MTMR7: variants seen among roughly 807,000 people sequenced by gnomAD.
MTMR7 encodes phosphatidylinositol-3-phosphate phosphatase MTMR7.
A neutral mutation model predicts 81.2 loss-of-function variants in MTMR7; 76 were observed. The ratio of observed to expected loss-of-function variants is 0.94; its 90% CI spans 0.78 to 1.13. The LOEUF (loss-of-function observed/expected upper bound fraction) is 1.13. MTMR7 is among the 50% of genes most tolerant of loss of function. MTMR7 has a pLI of 0.00. For missense variants in MTMR7, 1,044 were observed against 820.0 expected, an observed-to-expected ratio of 1.27 and a Z score of -3.34; for synonymous variants, 372 against 289.8, an observed-to-expected ratio of 1.28 and a Z score of -2.88.
intron 3 of MTMR7, among the ~76,000 whole-genome samples, chr8:17,370,596 C>T (rs368514246): frequency 4.2e-5 from 3 of 71,042 alleles, no homozygotes; most frequent in African/African-American, 1.6e-4. Flanking sequence ...CCCCAAGAAA[C>T]AAAAAAGCAA....
chr8:17,406,806 T>C (rs186279641), intron 1 of MTMR7, among the ~76,000 whole-genome samples: 128 of 152,246 alleles, frequency 8.4e-4, no homozygotes, highest in Middle Eastern at 3.4e-3. Flanking sequence ...GAAGTACTGA[T>C]ACATGCTACA....
At chr8:17,378,766 T>C (rs567679713) in intron 1 of MTMR7, among the ~76,000 whole-genome samples, 5 of 152,362 alleles carry the variant, frequency 3.3e-5, no homozygotes, top group South Asian at 2.1e-4. Flanking sequence ...TGATGACTGA[T>C]GTGTAAAAAG....
intron 6 of MTMR7, 109 bp from the exon 7 acceptor site, chr8:17,331,391 G>A (rs1319224684): frequency 5.9e-6 from 7 of 1,184,620 alleles, no homozygotes; most frequent in South Asian, 3.2e-5. Context: ...AATGATGTAC[G>A]GAAACATAAT....
intron 3 of MTMR7, among the ~76,000 whole-genome samples, chr8:17,363,305 A>T (rs1399732771): frequency 6.6e-6 from 1 of 152,228 alleles, no homozygotes; most frequent in East Asian, 1.9e-4. Flanking sequence ...TGCCAAAGGA[A>T]TCTCTTGAGA....
chr8:17,333,908 A>C (rs1291774889), intron 6 of MTMR7, among the ~76,000 whole-genome samples: 1 of 151,520 alleles, frequency 6.6e-6, no homozygotes, highest in East Asian at 1.9e-4. Flanking sequence ...GCAGAGATAC[A>C]AAAAAAAAGA....
At position 17,395,292 on chromosome 8, in the gene MTMR7, A is replaced by G. The variant is rs551391013; in HGVS notation, c.24+17977T>C. On this transcript the variant is annotated intron_variant, in intron 1 of 13. Transcript: ENST00000180173. Reference sequence around the variant, plus strand: ...GAATAATATTCCATTGCATGTACATATCATATTCTGTTTATCTGTTCATTT... The same window carrying G: ...GAATAATATTCCATTGCATGTACATGTCATATTCTGTTTATCTGTTCATTT... Among the ~76,000 whole-genome samples the G allele has an allele frequency of 2.6e-5, 4 of 152,242 alleles. 1 individual carries two copies. The South Asian group carries it at 8.3e-4, about 32-fold the overall frequency.
intron 2 of MTMR7, among the ~76,000 whole-genome samples, chr8:17,372,492 G>A (rs1026028130): frequency 1.3e-5 from 2 of 152,108 alleles, no homozygotes; most frequent in African/African-American, 4.8e-5. Context: ...GGAGGCTGAG[G>A]CAGGAGAATC....
chr8:17,327,991 G>C (rs1268919711), intron 7 of MTMR7, among the ~76,000 whole-genome samples: 1 of 152,198 alleles, frequency 6.6e-6, no homozygotes, highest in Non-Finnish European at 1.5e-5. Context: ...GTGTGGCAAA[G>C]AGCAGTTGCT....
intron 11 of MTMR7, among the ~76,000 whole-genome samples, chr8:17,305,127 C>G (rs1187907884): frequency 6.6e-6 from 1 of 152,142 alleles, no homozygotes; most frequent in Non-Finnish European, 1.5e-5. Context: ...CTAGTATCCA[C>G]TACAAAAATT....
chr8:17,312,848 A>G (rs1214303867), intron 8 of MTMR7, among the ~76,000 whole-genome samples: 1 of 152,132 alleles, frequency 6.6e-6, no homozygotes, highest in African/African-American at 2.4e-5. Flanking sequence ...GCATTCTAAA[A>G]CAGCTTATGT....
chr8:17,397,872 A>C (rs1274061080), intron 1 of MTMR7, among the ~76,000 whole-genome samples: 1 of 152,230 alleles, frequency 6.6e-6, no homozygotes, highest in African/African-American at 2.4e-5. Flanking sequence ...TAGTTCAGCA[A>C]AGAGAGAATA....
At chr8:17,308,516 A>G (rs1482727944) in intron 10 of MTMR7, among the ~76,000 whole-genome samples, 1 of 152,250 alleles carries the variant, frequency 6.6e-6, no homozygotes, top group African/African-American at 2.4e-5. Context: ...ATGCATTTAG[A>G]ATTTTAAGAA....
intron 7 of MTMR7, among the ~76,000 whole-genome samples, chr8:17,322,471 C>T (rs1203223946): frequency 2.6e-5 from 4 of 152,072 alleles, no homozygotes; most frequent in African/African-American, 7.2e-5. Flanking sequence ...AGGTTTAACA[C>T]GTGGTAAGGA....
In MTMR7 at chr8:17,299,756, C is replaced by G; in HGVS notation, c.*106G>C. On this transcript the variant is annotated 3_prime_UTR_variant, in exon 14 of 14. Transcript: ENST00000180173. The stretch of plus-strand genomic sequence containing the variant: ...TTTTCATAGCTGCATTAAAGTAGTT[C>G]TCAATGACATGCACCATTTCCTGTT... The G allele has an allele frequency of 1.4e-6, 2 of 1,479,622 alleles. No individual in the cohort carries two copies. Among genetic ancestry groups the G allele is most frequent in the South Asian group, 1.3e-5 (1 of 74,306 alleles). The allele number at this position is 1,479,622 out of a possible 1,614,324, so 91.7% of individuals were successfully genotyped here. A position where few individuals can be genotyped will look rare whatever the true frequency, so the allele number is the denominator to read the frequency against.
intron 1 of MTMR7, among the ~76,000 whole-genome samples, chr8:17,402,477 T>G (rs1010083590): frequency 6.6e-6 from 1 of 152,182 alleles, no homozygotes; most frequent in Non-Finnish European, 1.5e-5. Context: ...ATTGTTTTAA[T>G]TTTTAGCTCC....
chr8:17,380,059 T>TGCAACGTGAACTAATTCA (rs1293431034), intron 1 of MTMR7, among the ~76,000 whole-genome samples: 69 of 152,302 alleles, frequency 4.5e-4, no homozygotes, highest in Non-Finnish European at 9.3e-4. Context: ...TGAGTCGATC[T>TGCAACGTGAACTAATTCA]GCAACGTGAA....
chr8:17,331,022 G>A, intron 7 of MTMR7, 128 bp downstream of exon 7: 1 of 1,138,756 alleles, frequency 8.8e-7, no homozygotes. Flanking sequence ...AAAAGCCACT[G>A]TAACATGATA....
intron 6 of MTMR7, among the ~76,000 whole-genome samples, chr8:17,336,732 T>A (rs938435279): frequency 2.0e-5 from 3 of 152,150 alleles, no homozygotes; most frequent in Non-Finnish European, 4.4e-5. Flanking sequence ...TCGGCCCTTC[T>A]CTTCATGCCT....
At chr8:17,389,495 T>C (rs1160013558) in intron 1 of MTMR7, among the ~76,000 whole-genome samples, 1 of 152,192 alleles carries the variant, frequency 6.6e-6, no homozygotes, top group African/African-American at 2.4e-5. Flanking sequence ...ACAGCAACCC[T>C]CGGTGGCAGG....
Sources: gnomAD v4.1 joint callset for allele counts (sites outside exome capture counted in the v4.1 genomes callset) on GRCh38, gnomAD v4.1.1 for gene constraint, MANE v1.5 for transcripts, NCBI Gene and HGNC (gene_info 2026-07-23, HGNC 2026-07-21) for gene names.